DPP6: variants seen among roughly 807,000 people sequenced by gnomAD.
DPP6 encodes the protein A-type potassium channel modulatory protein DPP6.
Under a neutral mutation model 122.6 loss-of-function variants are expected in DPP6, and 69 were observed. The ratio of observed to expected loss-of-function variants is 0.56; its 90% CI spans 0.46 to 0.69. The LOEUF (loss-of-function observed/expected upper bound fraction) is 0.69, where lower values mean the gene tolerates loss of function less well. Among genes scored for constraint, DPP6 ranks in the 30% least tolerant of loss-of-function variants. The pLI, the probability that DPP6 is intolerant of heterozygous loss-of-function variation, is 0.00. For synonymous variants in DPP6, 418 were observed against 433.1 expected (o/e 0.97, Z 0.43); for missense variants, 928 against 1,116.9 (o/e 0.83, Z 2.41).
In DPP6 at chr7:154,311,391, G is replaced by A. The variant is rs149227917; in HGVS notation, c.244-134823G>A. Among the ~76,000 whole-genome samples the A allele has an allele frequency of 6.2e-3, 938 of 152,134 alleles. 14 individuals are homozygous for A. The highest frequency in any genetic ancestry group is 0.021 in the African/African-American group (887 of 41,506). On this transcript the variant is annotated intron_variant, in intron 1 of 25. Transcript: ENST00000377770. Reference sequence around the variant, plus strand: ...CATGCCTGTTGTCCCAGTTACTCAGGAGGCTGAGGTAGGAGGATCACCTGA... The same window carrying A: ...CATGCCTGTTGTCCCAGTTACTCAGAAGGCTGAGGTAGGAGGATCACCTGA...
intron 3 of DPP6, among the ~76,000 whole-genome samples, chr7:154,534,311 C>T (rs561304362): frequency 3.3e-5 from 5 of 152,108 alleles, no homozygotes; most frequent in Non-Finnish European, 7.4e-5. Flanking sequence ...TGCTTTCTGC[C>T]TAACATTGGG....
At chr7:154,138,198 A>T (rs764682307) in intron 1 of DPP6, among the ~76,000 whole-genome samples, 19 of 152,318 alleles carry the variant, frequency 1.2e-4, no homozygotes, top group Non-Finnish European at 2.4e-4. Flanking sequence ...CATACACACC[A>T]ATCAAGGCTT....
At chr7:154,334,360 A>G (rs996383686) in intron 1 of DPP6, among the ~76,000 whole-genome samples, 2 of 152,212 alleles carry the variant, frequency 1.3e-5, no homozygotes, top group Non-Finnish European at 2.9e-5. Context: ...GATGATGTTC[A>G]TACTCACAGT....
intron 1 of DPP6, among the ~76,000 whole-genome samples, chr7:154,291,291 G>T (rs571280021): frequency 6.6e-6 from 1 of 152,230 alleles, no homozygotes; most frequent in African/African-American, 2.4e-5. Context: ...CAAAATGCAG[G>T]CTCAGATTGG....
At chr7:154,607,712 C>A (rs114175412) in intron 5 of DPP6, among the ~76,000 whole-genome samples, 1,775 of 115,948 alleles carry the variant, frequency 0.015, 341 homozygotes, top group African/African-American at 0.041. Context: ...AATGTATTTT[C>A]TTTTCCTTAT....
At chr7:153,771,225 G>T in the DPP6 span, among the ~76,000 whole-genome samples, 16 of 152,176 alleles carry the variant, frequency 1.1e-4, no homozygotes, top group Admixed American at 5.2e-4. Context: ...ATATGAGAAG[G>T]TCCCAAAGGC....
rs544588256 is a variant in DPP6, at chr7:153,935,079, C to A, written c.51+47345C>A. Among the ~76,000 whole-genome samples, 5 of 152,200 alleles carry A rather than the reference C, an allele frequency of 3.3e-5. No homozygotes were observed. The South Asian group carries it at 8.3e-4, about 25-fold the overall frequency. On this transcript the variant is annotated intron_variant, in intron 1 of 25. Transcript: ENST00000404039. Reference sequence around the variant, plus strand: ...AGGGATGGCGAATGTCCTGACATAACGCTGTGCCCATCCCAGTGGGTGCTG... The same window carrying A: ...AGGGATGGCGAATGTCCTGACATAAAGCTGTGCCCATCCCAGTGGGTGCTG...
the DPP6 span, among the ~76,000 whole-genome samples, chr7:153,763,132 A>C: frequency 1.3e-5 from 2 of 152,126 alleles, no homozygotes; most frequent in Non-Finnish European, 2.9e-5. Flanking sequence ...TCACTTTCTC[A>C]CTTTCCTGAT....
At chr7:154,585,576 G>A (rs1832385036) in intron 5 of DPP6, among the ~76,000 whole-genome samples, 2 of 152,192 alleles carry the variant, frequency 1.3e-5, no homozygotes, top group South Asian at 4.1e-4. Flanking sequence ...AGAAGCTCAA[G>A]CGCCTTAGGT....
intron 1 of DPP6, among the ~76,000 whole-genome samples, chr7:154,165,781 G>C (rs1181124825): frequency 6.6e-6 from 1 of 152,128 alleles, no homozygotes; most frequent in African/African-American, 2.4e-5. Flanking sequence ...TTTTTCATGT[G>C]ATTTTTGGCT....
intron 5 of DPP6, among the ~76,000 whole-genome samples, chr7:154,581,618 T>C (rs1832075154): frequency 6.6e-6 from 1 of 152,216 alleles, no homozygotes; most frequent in African/African-American, 2.4e-5. Flanking sequence ...CCAACTTGAG[T>C]TGACAACAAA....
chr7:154,211,302 G>A (rs1268249592), intron 1 of DPP6, among the ~76,000 whole-genome samples: 2 of 151,930 alleles, frequency 1.3e-5, no homozygotes, highest in Non-Finnish European at 2.9e-5. Context: ...AGGAGGGAAC[G>A]AGCAGGCAGA....
intron 1 of DPP6, among the ~76,000 whole-genome samples, chr7:153,913,400 G>A (rs1378798892): frequency 2.6e-5 from 4 of 151,218 alleles, no homozygotes; most frequent in African/African-American, 9.9e-5. Flanking sequence ...GTTTGAGCTA[G>A]CTTACAATAA....
At chr7:154,369,615 C>T (rs1211583566) in intron 1 of DPP6, among the ~76,000 whole-genome samples, 3 of 152,192 alleles carry the variant, frequency 2.0e-5, no homozygotes, top group African/African-American at 7.2e-5. Flanking sequence ...ATCCACCTGC[C>T]TTGGCCTCCC....
At chr7:154,167,176 G>T (rs1404559723) in intron 1 of DPP6, among the ~76,000 whole-genome samples, 1 of 152,100 alleles carries the variant, frequency 6.6e-6, no homozygotes, top group African/African-American at 2.4e-5. Context: ...CTGCTGACCT[G>T]TCAGATGATT....
At position 154,362,863 on chromosome 7, in the gene DPP6, C is replaced by T. The variant is rs574153503; in HGVS notation, c.244-83351C>T. Among the ~76,000 whole-genome samples, 30 of 152,340 alleles carry T rather than the reference C, an allele frequency of 2.0e-4. No individual in the cohort carries two copies. The South Asian group carries it at 6.0e-3, about 31-fold the overall frequency. On this transcript the variant is annotated intron_variant, in intron 1 of 25. Coordinates refer to ENST00000377770, the MANE Select transcript of DPP6 (RefSeq NM_130797.4). ...CCTGGCTGCTCCGAGTGCAGCCCTGCTCCACTACATCAGCATCAACTGGAG... is the reference window on the plus strand; with the variant it reads ...CCTGGCTGCTCCGAGTGCAGCCCTGTTCCACTACATCAGCATCAACTGGAG...
chr7:154,102,103 G>A (rs369289598), intron 1 of DPP6, among the ~76,000 whole-genome samples: 1 of 151,944 alleles, frequency 6.6e-6, no homozygotes, highest in South Asian at 2.1e-4. Flanking sequence ...ATTCTCACAC[G>A]CACAGATTGT....
At chr7:153,989,763 T>G (rs562653432) in intron 1 of DPP6, among the ~76,000 whole-genome samples, 2 of 151,876 alleles carry the variant, frequency 1.3e-5, no homozygotes, top group African/African-American at 4.8e-5. Flanking sequence ...GGTGCGAGGT[T>G]TGCCACGTGT....
intron 1 of DPP6, among the ~76,000 whole-genome samples, chr7:154,132,472 C>T (rs769819458): frequency 6.6e-6 from 1 of 152,080 alleles, no homozygotes; most frequent in Non-Finnish European, 1.5e-5. Context: ...ACCTCATTTA[C>T]CCCATTATCT....
Sources: allele counts gnomAD v4.1 joint callset (sites outside exome capture counted in the v4.1 genomes callset), GRCh38; gene constraint gnomAD v4.1.1; transcripts MANE v1.5; gene names NCBI Gene and HGNC (gene_info 2026-07-23, HGNC 2026-07-21).